The following HDAC4 variants were observed in gnomAD, a reference collection of about 807,000 sequenced individuals.
The protein encoded by HDAC4 is histone deacetylase A.
HDAC4 carries 16 observed loss-of-function variants against 135.1 expected under a neutral mutation model. That is an observed-to-expected ratio of 0.12 (90% CI 0.08 to 0.18). The LOEUF (loss-of-function observed/expected upper bound fraction) is 0.18. Ranked by LOEUF, HDAC4 falls within the 10% of genes least tolerant of loss-of-function variation. The probability of loss-of-function intolerance (pLI) is 1.00; values close to 1 mark genes in which losing one functional copy is unlikely to be tolerated. For missense variants in HDAC4, 1,143 were observed against 1,511.8 expected, an observed-to-expected ratio of 0.76 and a Z score of 4.05; for synonymous variants, 685 against 653.4, an observed-to-expected ratio of 1.05 and a Z score of -0.74.
intron 19 of HDAC4, among the ~76,000 whole-genome samples, 196 bp downstream of exon 19, chr2:239,087,363 C>T (rs937951245): frequency 8.5e-5 from 13 of 152,354 alleles, no homozygotes; most frequent in Admixed American, 1.3e-4. Context: ...CCGTCATAAC[C>T]GAGCAGTGAT....
intron 5 of HDAC4, among the ~76,000 whole-genome samples, chr2:239,166,494 G>T (rs1287457752): frequency 6.6e-6 from 1 of 152,144 alleles, no homozygotes; most frequent in Admixed American, 6.5e-5. Context: ...GGGTGGCGGT[G>T]GGGGGACAGG....
chr2:239,102,687 G>C, intron 16 of HDAC4, 89 bp downstream of exon 16: 3 of 1,489,868 alleles, frequency 2.0e-6, no homozygotes, highest in Non-Finnish European at 2.8e-6. Flanking sequence ...ACACCCACAG[G>C]TGCCCCAGAC....
At position 239,240,458 on chromosome 2, in the gene HDAC4, C is replaced by T. The variant is rs1225364896; in HGVS notation, c.23-3794G>A. Among the ~76,000 whole-genome samples the T allele has an allele frequency of 6.6e-6, 1 of 152,212 alleles. No homozygotes were observed. The highest frequency in any genetic ancestry group is 2.4e-5 in the African/African-American group (1 of 41,442). On this transcript the variant is annotated intron_variant, in intron 2 of 26. Transcript: ENST00000543185. The surrounding 1 kb of genome is among the most constrained non-coding windows in gnomAD (Gnocchi z 4.5). ...TATCTGCCTCTGGGCTGAAATTTCT[C>T]AGGCTGAGGAGAAAGCGGTGCTAAG...
At chr2:239,397,094 C>T (rs993841532) in intron 1 of HDAC4, among the ~76,000 whole-genome samples, 3 of 152,364 alleles carry the variant, frequency 2.0e-5, no homozygotes, top group South Asian at 2.1e-4. Context: ...GAAAGTCTAA[C>T]GACACTGAAC....
intron 6 of HDAC4, among the ~76,000 whole-genome samples, chr2:239,157,147 G>A (rs976863094): frequency 4.6e-5 from 7 of 152,214 alleles, no homozygotes; most frequent in Non-Finnish European, 1.0e-4. Flanking sequence ...GTGGGGAGAG[G>A]AAGAGGAAAA....
chr2:239,215,714 C>A (rs1485501927), intron 3 of HDAC4, among the ~76,000 whole-genome samples: 1 of 152,178 alleles, frequency 6.6e-6, no homozygotes, highest in African/African-American at 2.4e-5. Flanking sequence ...AAACAAGACA[C>A]AAAAACTTCA....
At chr2:239,399,996 T>C (rs890642389) in intron 1 of HDAC4, among the ~76,000 whole-genome samples, 1 of 152,214 alleles carries the variant, frequency 6.6e-6, no homozygotes, top group South Asian at 2.1e-4. Flanking sequence ...ACCCCCGGCC[T>C]TTCCAACTGA....
chr2:239,201,854 T>C (rs912003365), intron 3 of HDAC4, among the ~76,000 whole-genome samples: 1 of 152,264 alleles, frequency 6.6e-6, no homozygotes, highest in African/African-American at 2.4e-5. Context: ...GTAAATCGGC[T>C]TTCACTTGCA....
intron 12 of HDAC4, among the ~76,000 whole-genome samples, chr2:239,118,826 C>CA (rs1180613310): frequency 2.6e-5 from 4 of 151,714 alleles, no homozygotes; most frequent in African/African-American, 9.7e-5. Context: ...AGTGGTTGAC[C>CA]AAAAAAAGCA....
At position 239,367,687 on chromosome 2, in the gene HDAC4, T is replaced by C. The variant is rs1483380161; in HGVS notation, c.-219-14769A>G. ...TCACATTATATGTATAAGGTGAACATGAAAAATAAATTTCATGTTTAGGCT... is the reference window on the plus strand; with the variant it reads ...TCACATTATATGTATAAGGTGAACACGAAAAATAAATTTCATGTTTAGGCT... On this transcript the variant is annotated intron_variant, in intron 1 of 26. Transcript: ENST00000543185. 3.9e-5 allele frequency among the ~76,000 whole-genome samples: 6 copies of C among 152,190 alleles called. No homozygotes were observed. The East Asian group carries it at 5.8e-4, about 15-fold the overall frequency.
Position 239,068,814 on chromosome 2 carries a change from C to A in HDAC4, c.2751-207G>T, listed in dbSNP as rs754746370. ...ACCCACGTGTGATCCAGGCTCATTT[C>A]ACATCTTCACAGTGCAAGCCAGCAA... On this transcript the variant is annotated intron_variant, in intron 22 of 26. Transcript: ENST00000543185. The surrounding 1 kb of genome is among the most constrained non-coding windows in gnomAD (Gnocchi z 4.4). 50 of 628,730 alleles carry A rather than the reference C, an allele frequency of 8.0e-5. No homozygotes were observed. The Middle Eastern group carries it at 4.4e-3, about 56-fold the overall frequency. 38.9% of individuals were successfully genotyped at this position (628,730 alleles called of 1,614,324 possible).
At chr2:239,176,678 C>G in intron 4 of HDAC4, 115 bp from the exon 5 acceptor site, 1 of 911,252 alleles carries the variant, frequency 1.1e-6, no homozygotes, top group Non-Finnish European at 1.7e-6. Context: ...TGGTGTGGCC[C>G]TGGGCACTGC....
rs920588593 is a variant in HDAC4, at chr2:239,352,310, C to A, written c.22+368G>T. 6.6e-6 allele frequency among the ~76,000 whole-genome samples: 1 copy of A among 152,070 alleles called. No individual in the cohort carries two copies. The highest frequency in any genetic ancestry group is 1.9e-4 in the East Asian group (1 of 5,174). On this transcript the variant is annotated intron_variant, in intron 2 of 26. Transcript: ENST00000543185. This position sits in a 1 kb window ranked among gnomAD's most constrained non-coding sequence, Gnocchi z 4.4. The stretch of plus-strand genomic sequence containing the variant: ...ACGCCCAGTTGGAGGAGCACTCCCA[C>A]CCCTCACACAACCCCTCATGAAACA...
chr2:239,229,869 T>A (rs1382973182), intron 3 of HDAC4, among the ~76,000 whole-genome samples: 1 of 152,054 alleles, frequency 6.6e-6, no homozygotes, highest in East Asian at 1.9e-4. Context: ...TGTAGTTAAA[T>A]CTCTCCTGGA....
rs1416846797 is a variant in HDAC4, at chr2:239,308,269, C to A, written c.22+44409G>T. ...GGGGGAGTCCACTGCCTTGGGGACACGAGGGAGCCAGGGTCACTTTCTTCC... is the reference window on the plus strand; with the variant it reads ...GGGGGAGTCCACTGCCTTGGGGACAAGAGGGAGCCAGGGTCACTTTCTTCC... On this transcript the variant is annotated intron_variant, in intron 2 of 26. Transcript: ENST00000543185. The surrounding 1 kb of genome is among the most constrained non-coding windows in gnomAD (Gnocchi z 4.2). 6.6e-6 allele frequency among the ~76,000 whole-genome samples: 1 copy of A among 152,126 alleles called. No homozygotes were observed. Among genetic ancestry groups the A allele is most frequent in the Non-Finnish European group, 1.5e-5 (1 of 68,014 alleles).
intron 23 of HDAC4, 107 bp from the exon 24 acceptor site, chr2:239,066,962 C>G: frequency 1.5e-6 from 2 of 1,372,616 alleles, no homozygotes; most frequent in Non-Finnish European, 2.0e-6. Flanking sequence ...GCTGGGGTGT[C>G]GAGACACATG....
At position 239,141,996 on chromosome 2, in the gene HDAC4, G is replaced by C. The variant is rs2041407044; in HGVS notation, c.866-2200C>G. ...TGAAATTGAGTGGAGAGGGATGCAG[G>C]ATGGCGCAGGAAGATGGTGAGAACT... On this transcript the variant is annotated intron_variant, in intron 8 of 26. Transcript: ENST00000543185. This position sits in a 1 kb window ranked among gnomAD's most constrained non-coding sequence, Gnocchi z 4.9. Among the ~76,000 whole-genome samples the C allele has an allele frequency of 6.6e-6, 1 of 152,146 alleles. No homozygotes were observed. The highest frequency in any genetic ancestry group is 6.5e-5 in the Admixed American group (1 of 15,278).
At chr2:239,312,555 G>A (rs1390792873) in intron 2 of HDAC4, among the ~76,000 whole-genome samples, 2 of 152,320 alleles carry the variant, frequency 1.3e-5, no homozygotes, top group East Asian at 1.9e-4. Flanking sequence ...TAAAGCAAAC[G>A]CTAAGAATGG....
At chr2:239,260,445 G>A (rs1279452166) in intron 2 of HDAC4, among the ~76,000 whole-genome samples, 3 of 152,220 alleles carry the variant, frequency 2.0e-5, no homozygotes, top group Non-Finnish European at 4.4e-5. Flanking sequence ...CGGGTCTGGA[G>A]CAGGGTCTGT....
Sources: allele counts gnomAD v4.1 joint callset (sites outside exome capture counted in the v4.1 genomes callset), GRCh38; gene constraint gnomAD v4.1.1; non-coding constraint Gnocchi (gnomAD v3.1); transcripts MANE v1.5; gene names NCBI Gene and HGNC (gene_info 2026-07-23, HGNC 2026-07-21).